Variants in NMNAT1 observed in about 807,000 individuals in gnomAD.
NMNAT1 encodes nicotinamide/nicotinic acid mononucleotide adenylyltransferase 1.
Under a neutral mutation model 16.7 loss-of-function variants are expected in NMNAT1, and 11 were observed. The observed-to-expected ratio is 0.66, with a 90% confidence interval of 0.41 to 1.09. The LOEUF (loss-of-function observed/expected upper bound fraction) is 1.09. Among genes scored for constraint, NMNAT1 ranks in the 50% least tolerant of loss-of-function variants. The pLI, the probability that NMNAT1 is intolerant of heterozygous loss-of-function variation, is 0.00. For synonymous variants in NMNAT1, 110 were observed against 119.8 expected (o/e 0.92, Z 0.53); for missense variants, 280 against 332.3 (o/e 0.84, Z 1.22).
At chr1:9,979,555 C>T (rs1397964567) in intron 3 of NMNAT1, among the ~76,000 whole-genome samples, 1 of 152,070 alleles carries the variant, frequency 6.6e-6, no homozygotes, top group Non-Finnish European at 1.5e-5. Context: ...AATCCCAGCA[C>T]TTTGGGAGGC....
intron 1 of NMNAT1, among the ~76,000 whole-genome samples, chr1:9,958,063 A>G (rs1241224871): frequency 6.6e-6 from 1 of 152,166 alleles, no homozygotes; most frequent in Non-Finnish European, 1.5e-5. Flanking sequence ...CAGTTTACCC[A>G]CAGCTATCTT....
chr1:9,951,416 C>T (rs975167892), intron 1 of NMNAT1: 1 of 152,116 alleles, frequency 6.6e-6, no homozygotes, highest in African/African-American at 2.4e-5. Context: ...AAATAGAAGT[C>T]TTGCTGTATA....
intron 1 of NMNAT1, among the ~76,000 whole-genome samples, chr1:9,955,561 C>T (rs1414195550): frequency 6.6e-6 from 1 of 152,094 alleles, no homozygotes; most frequent in East Asian, 1.9e-4. Context: ...GCCGAGATTG[C>T]ACCATTGCCC....
chr1:9,978,152 A>G (rs527443433), intron 3 of NMNAT1, among the ~76,000 whole-genome samples: 4 of 152,152 alleles, frequency 2.6e-5, no homozygotes, highest in Non-Finnish European at 4.4e-5. Context: ...AGGTCAGGAG[A>G]TCGAGACCAC....
At chr1:9,993,028 A>G in the NMNAT1 span, among the ~76,000 whole-genome samples, 4 of 152,206 alleles carry the variant, frequency 2.6e-5, no homozygotes, top group East Asian at 3.8e-4. Flanking sequence ...AAGAGGAGAC[A>G]CCAAATACCA....
At chr1:9,957,246 C>A (rs1641284503) in intron 1 of NMNAT1, among the ~76,000 whole-genome samples, 1 of 152,202 alleles carries the variant, frequency 6.6e-6, no homozygotes, top group Non-Finnish European at 1.5e-5. Context: ...TCAGGCTGGT[C>A]TCACACTCCC....
chr1:9,996,010 A>T, the NMNAT1 span, among the ~76,000 whole-genome samples: 4 of 151,248 alleles, frequency 2.6e-5, no homozygotes, highest in East Asian at 7.8e-4. Flanking sequence ...GCCCGGGGCG[A>T]TAGAGTGAGA....
At chr1:9,979,708 A>T (rs1330138248) in intron 3 of NMNAT1, among the ~76,000 whole-genome samples, 1 of 151,316 alleles carries the variant, frequency 6.6e-6, no homozygotes, top group Non-Finnish European at 1.5e-5. Context: ...AGGCTGAAGC[A>T]GGAGAATGGC....
At chr1:9,966,086 G>A (rs952937888) in intron 1 of NMNAT1, among the ~76,000 whole-genome samples, 6 of 152,068 alleles carry the variant, frequency 3.9e-5, no homozygotes, top group Non-Finnish European at 8.8e-5. Context: ...ATCACTTGAG[G>A]TTAGGAGTTT....
intron 1 of NMNAT1, among the ~76,000 whole-genome samples, chr1:9,963,125 C>G (rs184888007): frequency 6.6e-6 from 1 of 151,400 alleles, no homozygotes; most frequent in African/African-American, 2.4e-5. Context: ...GGGCTCAATT[C>G]CAATCTACAC....
chr1:9,977,763 CAGG>C (rs1403747592), intron 3 of NMNAT1, among the ~76,000 whole-genome samples: 4 of 151,744 alleles, frequency 2.6e-5, no homozygotes, highest in African/African-American at 9.7e-5. Flanking sequence ...GAGGCTGAGG[CAGG>C]AGAATTGCCT....
intron 1 of NMNAT1, among the ~76,000 whole-genome samples, chr1:9,965,707 A>T (rs1641526895): frequency 6.6e-6 from 1 of 152,046 alleles, no homozygotes; most frequent in Non-Finnish European, 1.5e-5. Context: ...CTGGCCAAGA[A>T]TATTTATTTT....
rs1048478504 is a variant in NMNAT1 at position 9,951,302 on chromosome 1, A to G, written c.-57+7787A>G. ...AAGTTCAGGGGTTGTTGTTTCCTAC[A>G]TTTGAGAGAGAAAAGGTGCTATGAG... On this transcript the variant is annotated intron_variant, in intron 1 of 4. Transcript: ENST00000377205. 5 of 152,280 alleles carry G rather than the reference A, an allele frequency of 3.3e-5. No individual in the cohort carries two copies. The South Asian group carries it at 6.2e-4, about 19-fold the overall frequency. 9.4% of individuals were successfully genotyped at this position (152,280 alleles called of 1,614,324 possible).
intron 1 of NMNAT1, among the ~76,000 whole-genome samples, chr1:9,945,053 G>T (rs1192275582): frequency 6.6e-6 from 1 of 152,180 alleles, no homozygotes; most frequent in Non-Finnish European, 1.5e-5. Context: ...GGCCAACATG[G>T]TGAAACCCCA....
downstream of NMNAT1, among the ~76,000 whole-genome samples, chr1:9,986,188 C>T (rs1390854270): frequency 6.6e-6 from 1 of 152,160 alleles, no homozygotes; most frequent in Non-Finnish European, 1.5e-5. Context: ...CAATGGATAA[C>T]CTGACAATTA....
intron 1 of NMNAT1, among the ~76,000 whole-genome samples, chr1:9,970,013 C>T (rs1272655046): frequency 6.6e-6 from 1 of 152,068 alleles, no homozygotes; most frequent in Non-Finnish European, 1.5e-5. Flanking sequence ...TCAAAAGCTC[C>T]GGAATTAGAA....
At chr1:9,992,768 T>C in the NMNAT1 span, among the ~76,000 whole-genome samples, 1 of 151,812 alleles carries the variant, frequency 6.6e-6, no homozygotes, top group Non-Finnish European at 1.5e-5. Context: ...AAAAATTAGC[T>C]GGGTGTGGTG....
chr1:9,971,843 G>T (rs1460161188), intron 1 of NMNAT1, among the ~76,000 whole-genome samples, 175 bp from the exon 2 acceptor site: 2 of 151,990 alleles, frequency 1.3e-5, no homozygotes, highest in Admixed American at 6.6e-5. Context: ...ATTGGTATGT[G>T]CCTGTGTTCC....
At chr1:9,971,392 C>T (rs1277285893) in intron 1 of NMNAT1, among the ~76,000 whole-genome samples, 1 of 152,124 alleles carries the variant, frequency 6.6e-6, no homozygotes, top group Non-Finnish European at 1.5e-5. Flanking sequence ...CGGCTCACTG[C>T]AACCTCCGCC....
Sources: gnomAD v4.1 joint callset for allele counts (sites outside exome capture counted in the v4.1 genomes callset) on GRCh38, gnomAD v4.1.1 for gene constraint, MANE v1.5 for transcripts, NCBI Gene and HGNC (gene_info 2026-07-23, HGNC 2026-07-21) for gene names.